AP1S3: variants seen among roughly 807,000 people sequenced by gnomAD.
AP1S3 encodes adaptor related protein complex 1 subunit sigma 3.
Under a neutral mutation model 20.9 loss-of-function variants are expected in AP1S3, and 10 were observed. The ratio of observed to expected loss-of-function variants is 0.48; its 90% CI spans 0.29 to 0.81. AP1S3 has a LOEUF of 0.81. Among genes scored for constraint, AP1S3 ranks in the 30% least tolerant of loss-of-function variants. The pLI is 0.08. For missense variants in AP1S3, 154 were observed against 183.8 expected (o/e 0.84, Z 0.94); for synonymous variants, 41 against 61.5 (o/e 0.67, Z 1.56).
At chr2:223,776,821 A>T (rs1690795238) in intron 2 of AP1S3, among the ~76,000 whole-genome samples, 1 of 152,154 alleles carries the variant, frequency 6.6e-6, no homozygotes, top group South Asian at 2.1e-4. Flanking sequence ...TCTAGATTTG[A>T]ATCCTGGCTC....
chr2:223,755,987 A>G lies in AP1S3; in HGVS notation c.*2728T>C. On this transcript the variant is annotated 3_prime_UTR_variant, in exon 5 of 5. Coordinates refer to ENST00000396654, the MANE Select transcript of AP1S3 (RefSeq NM_001039569.2). ...CAAATATGGTGACAAATTTCAAAAG[A>G]ACCGGAAAAACTATGATGGATTTAC... 7 of 985,458 alleles carry G rather than the reference A, an allele frequency of 7.1e-6. No individual in the cohort carries two copies. Among genetic ancestry groups the G allele is most frequent in the Non-Finnish European group, 8.4e-6 (7 of 829,924 alleles). 61.0% of individuals were successfully genotyped at this position (985,458 alleles called of 1,614,324 possible).
chr2:223,798,298 T>C (rs111480901), intron 1 of AP1S3, among the ~76,000 whole-genome samples: 3 of 152,338 alleles, frequency 2.0e-5, no homozygotes, highest in African/African-American at 7.2e-5. Context: ...TCAATTATTT[T>C]CCTAATCCTT....
intron 1 of AP1S3, among the ~76,000 whole-genome samples, chr2:223,788,779 A>AGAAG (rs1415640535): frequency 2.7e-5 from 4 of 146,352 alleles, no homozygotes; most frequent in Admixed American, 1.4e-4. Context: ...AAAAAAAAAA[A>AGAAG]AAGAAGAAGA....
intron 4 of AP1S3, among the ~76,000 whole-genome samples, chr2:223,763,812 G>C (rs1690416264): frequency 6.6e-6 from 1 of 152,184 alleles, no homozygotes; most frequent in Admixed American, 6.5e-5. Context: ...TCAGCCTAAA[G>C]ATGCACCAAA....
At chr2:223,773,318 G>A (rs566838451) in intron 3 of AP1S3, 2 of 1,303,936 alleles carry the variant, frequency 1.5e-6, no homozygotes, top group African/African-American at 3.0e-5. Context: ...CAGACCTCAA[G>A]GAAACTTCTT....
chr2:223,781,358 T>C (rs1251400870), intron 1 of AP1S3, among the ~76,000 whole-genome samples: 1 of 151,698 alleles, frequency 6.6e-6, no homozygotes, highest in African/African-American at 2.4e-5. Flanking sequence ...TCAGCAGCTT[T>C]AAAAAAAATC....
chr2:223,824,045 G>A (rs181120337), intron 1 of AP1S3, among the ~76,000 whole-genome samples: 3 of 152,234 alleles, frequency 2.0e-5, no homozygotes, highest in East Asian at 1.9e-4. Context: ...GCACTAGAGC[G>A]CAGTGGTGTG....
intron 1 of AP1S3, among the ~76,000 whole-genome samples, chr2:223,799,208 GACACACACAC>G (rs10527751): frequency 1.5e-3 from 224 of 145,996 alleles, no homozygotes; most frequent in African/African-American, 3.4e-3. Flanking sequence ...TTCGGGCCTA[GACACACACAC>G]ACACACACAC....
At chr2:223,831,349 G>C (rs1305901392) in intron 1 of AP1S3, among the ~76,000 whole-genome samples, 1 of 152,120 alleles carries the variant, frequency 6.6e-6, no homozygotes, top group Non-Finnish European at 1.5e-5. Context: ...GCCTGGGCTG[G>C]TCTCGAACTT....
intron 1 of AP1S3, among the ~76,000 whole-genome samples, chr2:223,798,352 G>C (rs1336777097): frequency 2.0e-5 from 3 of 152,068 alleles, no homozygotes; most frequent in Admixed American, 6.6e-5. Flanking sequence ...AAATGTTCAG[G>C]GAAAGGCAAA....
intron 4 of AP1S3, among the ~76,000 whole-genome samples, chr2:223,761,713 C>T (rs1469237865): frequency 6.6e-6 from 1 of 152,042 alleles, no homozygotes; most frequent in Non-Finnish European, 1.5e-5. Context: ...AGGTGCACAC[C>T]ACCACACCTG....
chr2:223,810,472 C>A lies in AP1S3; in HGVS notation c.3+26976G>T, dbSNP rs115869866. On this transcript the variant is annotated intron_variant, in intron 1 of 4. Transcript: ENST00000396654. ...TACAGGCATGCGCCACCACACCAAG[C>A]TAATGTTTATATTTTTTGTAGAGAC... Among the ~76,000 whole-genome samples, 1,374 of 152,214 alleles carry A rather than the reference C, an allele frequency of 9.0e-3. 36 individuals carry two copies. Among genetic ancestry groups the A allele is most frequent in the African/African-American group, 0.031 (1,301 of 41,526 alleles).
chr2:223,792,505 G>C (rs1192821367), intron 1 of AP1S3, among the ~76,000 whole-genome samples: 1 of 151,956 alleles, frequency 6.6e-6, no homozygotes, highest in Non-Finnish European at 1.5e-5. Context: ...AATGGTGCTG[G>C]GAGAACTGAC....
intron 1 of AP1S3, among the ~76,000 whole-genome samples, chr2:223,784,012 C>T (rs1691016974): frequency 6.6e-6 from 1 of 152,188 alleles, no homozygotes; most frequent in South Asian, 2.1e-4. Flanking sequence ...CTTACTTCCT[C>T]AGCCCTTTTT....
intron 4 of AP1S3, among the ~76,000 whole-genome samples, chr2:223,759,278 CA>C (rs1199596981): frequency 3.1e-5 from 4 of 129,650 alleles, no homozygotes; most frequent in Admixed American, 1.5e-4. Context: ...GACTCCGTCT[CA>C]AAAACAAAAA....
intron 1 of AP1S3, among the ~76,000 whole-genome samples, chr2:223,811,892 G>A (rs1266522645): frequency 6.6e-6 from 1 of 152,326 alleles, no homozygotes; most frequent in East Asian, 1.9e-4. Flanking sequence ...GGCATAAACT[G>A]TGGTCAGAAG....
chr2:223,781,005 A>G (rs1287915628), intron 1 of AP1S3, among the ~76,000 whole-genome samples: 1 of 151,646 alleles, frequency 6.6e-6, no homozygotes, highest in Non-Finnish European at 1.5e-5. Context: ...GTAAGTATCC[A>G]GTGTTTAGCT....
intron 2 of AP1S3, among the ~76,000 whole-genome samples, chr2:223,777,327 G>A (rs886409852): frequency 3.9e-5 from 6 of 152,138 alleles, no homozygotes; most frequent in African/African-American, 1.4e-4. Context: ...CCCAGGAGGT[G>A]GAAGTTGCAG....
chr2:223,782,074 C>A (rs1690963190), intron 1 of AP1S3, among the ~76,000 whole-genome samples: 2 of 150,478 alleles, frequency 1.3e-5, no homozygotes, highest in Non-Finnish European at 3.0e-5. Context: ...GGCAGTGGCG[C>A]CATCTTGGCT....
Sources: allele counts gnomAD v4.1 joint callset (sites outside exome capture counted in the v4.1 genomes callset), GRCh38; gene constraint gnomAD v4.1.1; transcripts MANE v1.5; gene names NCBI Gene and HGNC (gene_info 2026-07-23, HGNC 2026-07-21).